Variants in USP54 observed in about 807,000 individuals in gnomAD.
The protein encoded by USP54 is ubiquitin specific peptidase 54.
In USP54, 87 loss-of-function variants were observed where a neutral mutation model predicts 170.5. The observed-to-expected ratio is 0.51, with a 90% CI of 0.43 to 0.61. The LOEUF (loss-of-function observed/expected upper bound fraction) is 0.61, where lower values mean the gene tolerates loss of function less well. Among genes scored for constraint, USP54 ranks in the 20% least tolerant of loss-of-function variants. The pLI is 0.00. For missense variants in USP54, 1,786 were observed against 2,047.8 expected (o/e 0.87, Z 2.47); for synonymous variants, 655 against 742.8 (o/e 0.88, Z 1.92).
chr10:73,505,026 A>G (rs1231643358), intron 21 of USP54, 36 bp from the exon 22 acceptor site: 2 of 1,612,554 alleles, frequency 1.2e-6, no homozygotes, highest in Non-Finnish European at 1.7e-6. Flanking sequence ...CAGACACATA[A>G]TACCAGACTT....
intron 20 of USP54, among the ~76,000 whole-genome samples, chr10:73,511,781 C>A (rs2060256856): frequency 1.3e-5 from 2 of 148,824 alleles, no homozygotes; most frequent in South Asian, 4.3e-4. Flanking sequence ...TCACTCTTGT[C>A]ACCCAGGCTG....
chr10:73,550,697 C>G (rs1207784734), intron 4 of USP54, among the ~76,000 whole-genome samples: 1 of 151,772 alleles, frequency 6.6e-6, no homozygotes, highest in Non-Finnish European at 1.5e-5. Context: ...TTATTAAAAT[C>G]TGTTTTTTTT....
At chr10:73,548,050 C>A (rs1454832779) in intron 4 of USP54, among the ~76,000 whole-genome samples, 1 of 151,984 alleles carries the variant, frequency 6.6e-6, no homozygotes, top group Non-Finnish European at 1.5e-5. Context: ...AAAAAATAAC[C>A]CCATCAAAAG....
At chr10:73,590,635 G>T (rs1384940990) in intron 1 of USP54, among the ~76,000 whole-genome samples, 1 of 152,024 alleles carries the variant, frequency 6.6e-6, no homozygotes, top group Non-Finnish European at 1.5e-5. Context: ...AGGATCATAG[G>T]CCTCATGCCT....
At chr10:73,546,283 T>A (rs1245303183) in intron 4 of USP54, among the ~76,000 whole-genome samples, 2 of 152,210 alleles carry the variant, frequency 1.3e-5, no homozygotes, top group Non-Finnish European at 2.9e-5. Context: ...TAGTTTTACA[T>A]ATATATCCCT....
intron 20 of USP54, among the ~76,000 whole-genome samples, chr10:73,516,119 T>A (rs1233998624): frequency 6.6e-6 from 1 of 152,114 alleles, no homozygotes; most frequent in Non-Finnish European, 1.5e-5. Context: ...GGAGAAGCCA[T>A]GGGCAAATAC....
At chr10:73,578,265 C>CA (rs1420381851) in intron 1 of USP54, among the ~76,000 whole-genome samples, 1 of 152,148 alleles carries the variant, frequency 6.6e-6, no homozygotes, top group East Asian at 1.9e-4. Context: ...ATACTAACAC[C>CA]AAAAACATTT....
intron 10 of USP54, 60 bp from the exon 11 acceptor site, chr10:73,536,497 A>C: frequency 7.0e-7 from 1 of 1,435,050 alleles, no homozygotes; most frequent in Non-Finnish European, 9.2e-7. Context: ...AATTCACAAC[A>C]TATCTTTCTG....
chr10:73,530,164 T>G lies in USP54; in HGVS notation c.1807A>C (p.Ser603Arg). 2 of 1,613,174 alleles carry G rather than the reference T, an allele frequency of 1.2e-6. No individual in the cohort carries two copies. The highest frequency in any genetic ancestry group is 1.7e-6 in the Non-Finnish European group (2 of 1,179,686). The stretch of plus-strand genomic sequence containing the variant: ...TCACCTGAATCCTCAGAAAAGGGGC[T>G]AAGCTGGGTATAGCCACAGTGCTTC... ...KRKHCGYTQL[S>R]PFSEDSAKEF... is the part of the protein sequence containing the mutation. The change falls in exon 14 of 24, where the codon AGC becomes CGC. Residue 603 changes from serine to arginine, a missense_variant. Ser to Arg is a moderately radical substitution (Grantham distance 110, BLOSUM62 -1). This residue lies in a region of USP54 where 1,418 missense variants were observed against 1,569.0 expected (regional missense o/e 0.90). Coordinates refer to ENST00000687698, the MANE Select transcript of USP54 (RefSeq NM_001391956.1).
In USP54 at chr10:73,520,205, T is replaced by C. The variant is rs2061685439; in HGVS notation, c.2483-213A>G. The C allele has an allele frequency of 1.9e-5, 12 of 628,946 alleles. No individual in the cohort carries two copies. In the South Asian group the frequency reaches 2.3e-4, roughly 12 times the overall value. 39.0% of individuals were successfully genotyped at this position (628,946 alleles called of 1,614,324 possible). ...TGGAAGCCATGGAGGCCAAACAGGT[T>C]AATCCAAATTAAAAAAACAAAACTA... On this transcript the variant is annotated intron_variant, in intron 18 of 23. Transcript: ENST00000687698.
chr10:73,533,081 T>C (rs565673982), intron 12 of USP54, among the ~76,000 whole-genome samples: 12 of 152,056 alleles, frequency 7.9e-5, no homozygotes, highest in Non-Finnish European at 1.0e-4. Context: ...CCGAGGTGGG[T>C]GGATCACGAG....
At chr10:73,624,159 C>CATATATATAGATATATATAT (rs2081293331) in intron 1 of USP54, among the ~76,000 whole-genome samples, 1 of 69,872 alleles carries the variant, frequency 1.4e-5, no homozygotes, top group Admixed American at 2.2e-4. Flanking sequence ...TTTTAAAAGC[C>CATATATATAGATATATATAT]ATATATATAT....
chr10:73,500,515 G>T, intron 23 of USP54, 140 bp downstream of exon 23: 1 of 766,166 alleles, frequency 1.3e-6, no homozygotes, highest in Non-Finnish European at 2.0e-6. Flanking sequence ...ATAAATGCAC[G>T]ACTTTGAAGC....
intron 1 of USP54, among the ~76,000 whole-genome samples, chr10:73,579,544 C>T (rs1316323984): frequency 6.6e-6 from 1 of 152,016 alleles, no homozygotes; most frequent in African/African-American, 2.4e-5. Flanking sequence ...CACTTGAGGT[C>T]AGGAGTTCAA....
intron 17 of USP54, among the ~76,000 whole-genome samples, chr10:73,521,261 T>G (rs189866457): frequency 2.2e-4 from 33 of 152,336 alleles, no homozygotes; most frequent in African/African-American, 7.9e-4. Flanking sequence ...CCACATATTC[T>G]AACACCAAGA....
chr10:73,523,624 T>C lies in USP54; in HGVS notation c.2321A>G (p.His774Arg). Residue 774 changes from histidine to arginine, a missense_variant, in exon 17 of 24, where the codon CAT (histidine) becomes CGT (arginine). By Grantham distance (29) the His-to-Arg change is conservative. Transcript: ENST00000687698. ...ELEAAKGFNP[H>R]PSRFMDLDEL... ...ATCCAAGTCCATGAAGCGGCTAGGA[T>C]GAGGGTTAAACCCTTTCGCTGCCTC... 1 of 1,612,216 alleles carries C rather than the reference T, an allele frequency of 6.2e-7. No homozygotes were observed. The highest frequency in any genetic ancestry group is 1.3e-5 in the African/African-American group (1 of 75,036).
intron 1 of USP54, among the ~76,000 whole-genome samples, chr10:73,613,565 G>A (rs533827350): frequency 8.5e-5 from 13 of 152,104 alleles, no homozygotes; most frequent in Non-Finnish European, 1.9e-4. Flanking sequence ...AGGCAAAGAC[G>A]TGAACAGTTA....
chr10:73,514,209 G>A (rs112917068), intron 20 of USP54, among the ~76,000 whole-genome samples: 7,058 of 152,034 alleles, frequency 0.046, 495 homozygotes, highest in African/African-American at 0.15. Context: ...GCCCACCTCC[G>A]CCTCCCAAGT....
chr10:73,571,222 G>C (rs1050789458), intron 4 of USP54, among the ~76,000 whole-genome samples, 199 bp downstream of exon 4: 1 of 149,952 alleles, frequency 6.7e-6, no homozygotes, highest in African/African-American at 2.5e-5. Flanking sequence ...AAGCAAAAAA[G>C]GTTCAGTAAA....
Sources: gnomAD v4.1 joint callset for allele counts (sites outside exome capture counted in the v4.1 genomes callset) on GRCh38, gnomAD v4.1.1 for gene constraint, gnomAD v4.1.1 regional missense constraint, MANE v1.5 for transcripts, NCBI Gene and HGNC (gene_info 2026-07-23, HGNC 2026-07-21) for gene names.